Variants in ANK3 observed in about 807,000 individuals in gnomAD.
The protein encoded by ANK3 is ankyrin-3.
In ANK3, 57 loss-of-function variants were observed where a neutral mutation model predicts 370.9. The observed-to-expected ratio is 0.15, with a 90% CI of 0.12 to 0.19. The LOEUF is 0.19. ANK3 is among the 10% of genes least tolerant of loss of function. The probability of loss-of-function intolerance (pLI) is 1.00; values close to 1 mark genes in which losing one functional copy is unlikely to be tolerated. For missense variants in ANK3, 4,439 were observed against 5,302.1 expected (o/e 0.84, Z 5.06); for synonymous variants, 1,929 against 1,946.3 (o/e 0.99, Z 0.23).
intron 1 of ANK3, among the ~76,000 whole-genome samples, chr10:60,384,554 GA>G (rs1165589492): frequency 6.6e-6 from 1 of 152,198 alleles, no homozygotes; most frequent in Non-Finnish European, 1.5e-5. Flanking sequence ...GTCCAAATTG[GA>G]ATCTTAGCTC....
intron 40 of ANK3, 124 bp downstream of exon 40, chr10:60,062,987 A>G: frequency 1.0e-6 from 1 of 989,286 alleles, no homozygotes; most frequent in Non-Finnish European, 1.4e-6. Context: ...AGACTCTGGC[A>G]GAGAAAATGA....
Position 60,091,859 on chromosome 10 carries a change from T to C in ANK3, c.3329-3501A>G, listed in dbSNP as rs182213296. Among the ~76,000 whole-genome samples the C allele has an allele frequency of 5.5e-4, 84 of 151,750 alleles. 1 individual carries two copies. Among genetic ancestry groups the C allele is most frequent in the African/African-American group, 1.9e-3 (78 of 41,350 alleles). On this transcript the variant is annotated intron_variant, in intron 28 of 43. Transcript: ENST00000280772. ...ACCCCTCCTGCCTCAGCCTCCCGAG[T>C]AGCTGGGACTACAGGCATGCGCCAC...
Position 60,074,267 on chromosome 10 carries a change from G to C in ANK3, c.6614C>G (p.Pro2205Arg). 1 of 1,614,122 alleles carries C rather than the reference G, an allele frequency of 6.2e-7. No homozygotes were observed. The highest frequency in any genetic ancestry group is 8.5e-7 in the Non-Finnish European group (1 of 1,180,006). The change falls in exon 37 of 44, where the codon CCA (proline) becomes CGA (arginine). Residue 2205 changes from proline (P) to arginine (R), a missense_variant. Coordinates refer to ENST00000280772, the MANE Select transcript of ANK3 (RefSeq NM_020987.5). The part of the protein sequence containing the change: ...KPSPTFMELE[P>R]KPTTSSIKEK... Reference sequence around the variant, plus strand: ...TTTAATACTAGAGGTGGTGGGCTTTGGTTCCAATTCCATAAAAGTAGGTGA... The same window carrying C: ...TTTAATACTAGAGGTGGTGGGCTTTCGTTCCAATTCCATAAAAGTAGGTGA...
At chr10:60,564,252 C>T (rs1257340792) in intron 2 of ANK3, among the ~76,000 whole-genome samples, 1 of 152,046 alleles carries the variant, frequency 6.6e-6, no homozygotes, top group Non-Finnish European at 1.5e-5. Context: ...AAAAATTCAA[C>T]AATGATGTTT....
chr10:60,722,000 C>T (rs1002879099), intron 1 of ANK3, among the ~76,000 whole-genome samples: 5 of 152,070 alleles, frequency 3.3e-5, no homozygotes, highest in African/African-American at 1.2e-4. Context: ...ACTCAGAGAG[C>T]AACTCATTAC....
At chr10:60,727,004 T>C (rs1434478130) in intron 1 of ANK3, among the ~76,000 whole-genome samples, 1 of 152,142 alleles carries the variant, frequency 6.6e-6, no homozygotes. Context: ...TCCTCTACCC[T>C]ACCATTCTGA....
chr10:60,179,015 G>C (rs1353037044), intron 18 of ANK3, among the ~76,000 whole-genome samples: 1 of 152,152 alleles, frequency 6.6e-6, no homozygotes, highest in Admixed American at 6.5e-5. Context: ...CCTCATCAGG[G>C]AGAAGAGGTC....
intron 2 of ANK3, among the ~76,000 whole-genome samples, chr10:60,484,032 G>A (rs2075290044): frequency 6.6e-6 from 1 of 152,100 alleles, no homozygotes; most frequent in African/African-American, 2.4e-5. Context: ...ATTCTTTCTG[G>A]AGATACCATT....
intron 1 of ANK3, among the ~76,000 whole-genome samples, chr10:60,322,400 C>T (rs2048861849): frequency 6.6e-6 from 1 of 152,010 alleles, no homozygotes; most frequent in African/African-American, 2.4e-5. Flanking sequence ...TCTTCACCAA[C>T]TTCAGCTCTG....
chr10:60,306,151 G>A (rs984050758), intron 1 of ANK3, among the ~76,000 whole-genome samples: 3 of 151,846 alleles, frequency 2.0e-5, no homozygotes, highest in African/African-American at 7.3e-5. Context: ...TGGTGCACCC[G>A]TCAGCCAAGC....
chr10:60,322,948 G>C (rs1390877634), intron 1 of ANK3, among the ~76,000 whole-genome samples: 1 of 152,182 alleles, frequency 6.6e-6, no homozygotes, highest in Admixed American at 6.5e-5. Context: ...GGGAAGAGCA[G>C]GTTGGGCATG....
chr10:60,680,399 G>T (rs550899451), intron 1 of ANK3, among the ~76,000 whole-genome samples: 1 of 152,298 alleles, frequency 6.6e-6, no homozygotes, highest in African/African-American at 2.4e-5. Flanking sequence ...GGGCAGTGGG[G>T]ACTGCAGAGG....
At position 60,279,633 on chromosome 10, in the gene ANK3, C is replaced by G; in HGVS notation, c.121G>C (p.Ala41Pro). The change falls in exon 2 of 44, where the codon GCC becomes CCC. Residue 41 changes from alanine to proline, a missense_variant. Physicochemically the swap from Ala to Pro is conservative, Grantham distance 27. This residue lies in a region of ANK3 where 54 missense variants were observed against 52.7 expected (regional missense o/e 1.02). Coordinates refer to ENST00000280772, the MANE Select transcript of ANK3 (RefSeq NM_020987.5). ...RSRDRKKKSD[A>P]NASYLRAARA... ...GCTGCTCTTAAGTAACTTGCATTGG[C>G]ATCAGACTAAAATAAAAAAGAAACA... 6.2e-7 allele frequency: 1 copy of G among 1,609,220 alleles called. No homozygotes were observed. Among genetic ancestry groups the G allele is most frequent in the Non-Finnish European group, 8.5e-7 (1 of 1,178,462 alleles).
intron 1 of ANK3, among the ~76,000 whole-genome samples, chr10:60,721,979 CA>C (rs2079870278): frequency 6.6e-6 from 1 of 152,060 alleles, no homozygotes; most frequent in African/African-American, 2.4e-5. Context: ...AGGCTGAACC[CA>C]AATTTCCCAA....
At chr10:60,443,772 G>T (rs1188168126) in intron 2 of ANK3, among the ~76,000 whole-genome samples, 2 of 152,188 alleles carry the variant, frequency 1.3e-5, no homozygotes, top group African/African-American at 4.8e-5. Flanking sequence ...GCCCTGCTTA[G>T]TTCAAGCTTC....
At chr10:60,599,146 G>T (rs1361770701) in intron 2 of ANK3, among the ~76,000 whole-genome samples, 4 of 152,008 alleles carry the variant, frequency 2.6e-5, no homozygotes, top group Non-Finnish European at 5.9e-5. Context: ...ACCCAGGCAG[G>T]TCTCAAGCTC....
intron 1 of ANK3, among the ~76,000 whole-genome samples, chr10:60,374,340 A>G (rs899394893): frequency 6.6e-6 from 1 of 152,162 alleles, no homozygotes; most frequent in African/African-American, 2.4e-5. Flanking sequence ...AGAGATACAA[A>G]CAGTTGTAAA....
At chr10:60,198,569 G>T in intron 13 of ANK3, 32 bp from the exon 14 acceptor site, 9 of 1,597,734 alleles carry the variant, frequency 5.6e-6, no homozygotes, top group African/African-American at 1.3e-5. Context: ...TAAGGCTGAT[G>T]AGCTGAGGAA....
At chr10:60,396,528 T>G (rs962288559) in intron 2 of ANK3, among the ~76,000 whole-genome samples, 3 of 152,216 alleles carry the variant, frequency 2.0e-5, no homozygotes, top group Non-Finnish European at 4.4e-5. Context: ...TTCCATCACC[T>G]TTATTAACTT....
Sources: allele counts gnomAD v4.1 joint callset (sites outside exome capture counted in the v4.1 genomes callset), GRCh38; gene constraint gnomAD v4.1.1; regional missense constraint gnomAD v4.1.1; transcripts MANE v1.5; gene names NCBI Gene and HGNC (gene_info 2026-07-23, HGNC 2026-07-21).